PALM2AKAP2: variants seen among roughly 807,000 people sequenced by gnomAD.
The protein encoded by PALM2AKAP2 is PALM2 and AKAP2 fusion.
In PALM2AKAP2, 37 loss-of-function variants were observed where a neutral mutation model predicts 71.5. The observed-to-expected ratio is 0.52, with a 90% CI of 0.40 to 0.68. The LOEUF (loss-of-function observed/expected upper bound fraction) is 0.68, where lower values mean the gene tolerates loss of function less well. Ranked by LOEUF, PALM2AKAP2 falls within the 30% of genes least tolerant of loss-of-function variation. PALM2AKAP2 has a pLI of 0.00. For synonymous variants in PALM2AKAP2, 468 were observed against 478.8 expected (o/e 0.98, Z 0.29); for missense variants, 1,224 against 1,191.8 (o/e 1.03, Z -0.40).
intron 1 of PALM2AKAP2, among the ~76,000 whole-genome samples, chr9:110,135,148 T>G (rs1268494092): frequency 1.7e-4 from 11 of 63,020 alleles, no homozygotes; most frequent in Admixed American, 5.0e-4. Flanking sequence ...GAACTCTGTC[T>G]CTACAAAAAA....
chr9:109,866,043 T>A (rs768634337), intron 1 of PALM2AKAP2, among the ~76,000 whole-genome samples: 1 of 152,252 alleles, frequency 6.6e-6, no homozygotes, highest in Non-Finnish European at 1.5e-5. Context: ...TATTCATGTG[T>A]CTTACTTTGT....
chr9:109,915,813 G>A (rs12685812), intron 3 of PALM2AKAP2, among the ~76,000 whole-genome samples: 14,535 of 152,002 alleles, frequency 0.096, 841 homozygotes, highest in East Asian at 0.17. Flanking sequence ...GATGGGGAAG[G>A]AAAAATGAAG....
At chr9:110,162,402 TGAA>T (rs755592058) in intron 3 of PALM2AKAP2, among the ~76,000 whole-genome samples, 15 of 152,290 alleles carry the variant, frequency 9.8e-5, no homozygotes, top group South Asian at 4.1e-4. Context: ...TCACGAATCT[TGAA>T]GACGTTTGGA....
At chr9:109,987,830 C>T (rs117059670) in intron 6 of PALM2AKAP2, among the ~76,000 whole-genome samples, 2 of 152,330 alleles carry the variant, frequency 1.3e-5, no homozygotes, top group East Asian at 1.9e-4. Context: ...TAAACATCAC[C>T]GTACCTCACA....
chr9:109,883,354 G>A (rs529930421), intron 3 of PALM2AKAP2, among the ~76,000 whole-genome samples: 4 of 152,170 alleles, frequency 2.6e-5, no homozygotes, highest in Non-Finnish European at 5.9e-5. Context: ...GGATGGTGAG[G>A]CCTGGATTCA....
intron 1 of PALM2AKAP2, among the ~76,000 whole-genome samples, chr9:110,089,419 A>T (rs543863645): frequency 2.4e-4 from 37 of 152,314 alleles, no homozygotes; most frequent in Non-Finnish European, 4.4e-4. Context: ...CCTGAGATGG[A>T]GATAAGTACT....
intron 3 of PALM2AKAP2, among the ~76,000 whole-genome samples, chr9:109,896,802 C>T (rs1020309859): frequency 6.6e-6 from 1 of 152,044 alleles, no homozygotes; most frequent in Non-Finnish European, 1.5e-5. Flanking sequence ...CAGAGCGAGG[C>T]CCTGTCTCCA....
At chr9:109,898,199 G>C (rs1465642963) in intron 3 of PALM2AKAP2, among the ~76,000 whole-genome samples, 2 of 152,158 alleles carry the variant, frequency 1.3e-5, no homozygotes, top group African/African-American at 4.8e-5. Flanking sequence ...AGTAGCAGTG[G>C]TACCCTATTC....
chr9:110,026,236 C>T (rs1175082437), intron 7 of PALM2AKAP2, among the ~76,000 whole-genome samples: 2 of 152,052 alleles, frequency 1.3e-5, no homozygotes, highest in East Asian at 3.9e-4. Context: ...TGCAGCACCA[C>T]ACTTGGCTAA....
At chr9:109,857,446 T>C (rs1427426893) in intron 1 of PALM2AKAP2, among the ~76,000 whole-genome samples, 1 of 152,242 alleles carries the variant, frequency 6.6e-6, no homozygotes, top group African/African-American at 2.4e-5. Flanking sequence ...TTGTTTGAAA[T>C]TGAGAAATGC....
At chr9:110,001,079 A>G (rs1382595226) in intron 6 of PALM2AKAP2, among the ~76,000 whole-genome samples, 4 of 152,114 alleles carry the variant, frequency 2.6e-5, no homozygotes, top group Admixed American at 6.6e-5. Flanking sequence ...TAGACATGAA[A>G]TCCTTACCCA....
At chr9:109,846,199 A>G (rs1828850109) in intron 1 of PALM2AKAP2, among the ~76,000 whole-genome samples, 2 of 152,188 alleles carry the variant, frequency 1.3e-5, no homozygotes, top group Non-Finnish European at 2.9e-5. Context: ...TGTCCTGCAC[A>G]GAAACCTGAG....
intron 1 of PALM2AKAP2, among the ~76,000 whole-genome samples, chr9:110,096,050 C>G (rs1454372435): frequency 6.6e-6 from 1 of 152,204 alleles, no homozygotes; most frequent in Non-Finnish European, 1.5e-5. Flanking sequence ...CCATGATACC[C>G]TTTTCTATGT....
chr9:109,785,068 T>C (rs1826924907), intron 1 of PALM2AKAP2, among the ~76,000 whole-genome samples: 1 of 152,218 alleles, frequency 6.6e-6, no homozygotes, highest in African/African-American at 2.4e-5. Flanking sequence ...AAGATAGTTT[T>C]CTTTGGGCAT....
At chr9:110,053,176 T>G (rs939383002) in intron 1 of PALM2AKAP2, among the ~76,000 whole-genome samples, 8 of 152,090 alleles carry the variant, frequency 5.3e-5, no homozygotes, top group South Asian at 2.1e-4. Context: ...CTGTCTCCCA[T>G]CTAGGAGGAC....
intron 1 of PALM2AKAP2, among the ~76,000 whole-genome samples, chr9:109,823,478 C>T (rs771227169): frequency 2.6e-5 from 4 of 152,160 alleles, no homozygotes; most frequent in Non-Finnish European, 4.4e-5. Context: ...AACTGGGAGT[C>T]ACAGAGGCAG....
At chr9:109,883,218 C>A (rs986396796) in intron 3 of PALM2AKAP2, among the ~76,000 whole-genome samples, 1 of 152,124 alleles carries the variant, frequency 6.6e-6, no homozygotes, top group Non-Finnish European at 1.5e-5. Flanking sequence ...TGTTAAAGTT[C>A]TTTTTATCCT....
At position 109,883,154 on chromosome 9, in the gene PALM2AKAP2, G is replaced by A. The variant is rs372758403; in HGVS notation, c.257+2473G>A. On this transcript the variant is annotated intron_variant, in intron 3 of 9. Transcript: ENST00000302798. Reference sequence around the variant, plus strand: ...ATTGACCATTGGAAGGAGGTGTTGTGGGTTAGGGGCTGGTTTATTATTCAG... The same window carrying A: ...ATTGACCATTGGAAGGAGGTGTTGTAGGTTAGGGGCTGGTTTATTATTCAG... Among the ~76,000 whole-genome samples, 36 of 152,282 alleles carry A rather than the reference G, an allele frequency of 2.4e-4. No homozygotes were observed. In the South Asian group the frequency reaches 7.5e-3, roughly 32 times the overall value.
chr9:110,143,432 A>AAT (rs56190736), intron 2 of PALM2AKAP2, among the ~76,000 whole-genome samples: 2 of 149,592 alleles, frequency 1.3e-5, no homozygotes, highest in African/African-American at 2.5e-5. Flanking sequence ...AAAAAAAAAA[A>AAT]GGAGAGAGAG....
Sources: gnomAD v4.1 joint callset for allele counts (sites outside exome capture counted in the v4.1 genomes callset) on GRCh38, gnomAD v4.1.1 for gene constraint, MANE v1.5 for transcripts, NCBI Gene and HGNC (gene_info 2026-07-23, HGNC 2026-07-21) for gene names.